ZNF232: variants seen among roughly 807,000 people sequenced by gnomAD.
ZNF232 encodes zinc finger and SCAN domain-containing protein 11.
In ZNF232, 25 loss-of-function variants were observed where a neutral mutation model predicts 25.2. That is an observed-to-expected ratio of 0.99 (90% CI 0.72 to 1.39). The LOEUF is 1.39. ZNF232 is among the 40% of genes most tolerant of loss of function. ZNF232 has a pLI of 0.00. For missense variants in ZNF232, 519 were observed against 520.9 expected, an observed-to-expected ratio of 1.00 and a Z score of 0.04; for synonymous variants, 193 against 182.9, an observed-to-expected ratio of 1.06 and a Z score of -0.45.
At chr17:5,113,265 C>A (rs2072460402), upstream of ZNF232, 1 of 152,196 alleles carries the variant, frequency 6.6e-6, no homozygotes, top group Non-Finnish European at 1.5e-5. Context: ...AAATAGTTAT[C>A]ATTTGTTGAA....
upstream of ZNF232, chr17:5,114,003 C>G (rs1323914979): frequency 6.6e-6 from 1 of 152,182 alleles, no homozygotes; most frequent in Non-Finnish European, 1.5e-5. Context: ...AAGGACATAT[C>G]TGCACATGAC....
intron 1 of ZNF232, among the ~76,000 whole-genome samples, chr17:5,119,890 A>C (rs1379234719): frequency 1.3e-5 from 2 of 152,098 alleles, no homozygotes; most frequent in South Asian, 2.1e-4. Context: ...CTACGGCTGC[A>C]CAGGGACCCC....
At chr17:5,118,065 TC>T in intron 1 of ZNF232, 1 of 141,752 alleles carries the variant, frequency 7.1e-6, no homozygotes, top group African/African-American at 2.8e-5. Flanking sequence ...TGGGACTCCG[TC>T]TCAAAAAAAA....
chr17:5,112,149 GTC>G (rs1386286190), upstream of ZNF232: 1 of 455,480 alleles, frequency 2.2e-6, no homozygotes, highest in East Asian at 3.8e-5. Flanking sequence ...AGTTTGGGGG[GTC>G]TCTTGTGGAA....
rs868058424 is a variant in ZNF232, at chr17:5,111,794, A to T, written c.23+6T>A. On this transcript the variant is annotated splice_donor_region_variant and intron_variant, in intron 1 of 3. Coordinates refer to ENST00000575898, the Ensembl canonical transcript of ZNF232. ...GGACCTCGGGGAAGCCGCCGCCAAC[A>T]CTCACCTCACAGGACCAGGAGGTTC... 1.2e-6 allele frequency: 2 copies of T among 1,613,644 alleles called. No individual in the cohort carries two copies. Among genetic ancestry groups the T allele is most frequent in the African/African-American group, 2.7e-5 (2 of 74,996 alleles).
upstream of ZNF232, chr17:5,114,723 G>A (rs2072489404): frequency 6.6e-6 from 1 of 152,318 alleles, no homozygotes; most frequent in African/African-American, 2.4e-5. Flanking sequence ...CCAGCTAATT[G>A]GGAGGCTGGG....
intron 1 of ZNF232, 151 bp downstream of exon 1, chr17:5,111,649 G>GCGCGGGCAC: frequency 8.6e-7 from 1 of 1,161,766 alleles, no homozygotes; most frequent in South Asian, 1.4e-5. Flanking sequence ...AGGTAGCGCA[G>GCGCGGGCAC]CGCGGGCACC....
At chr17:5,108,864 G>C in intron 3 of ZNF232, 62 bp downstream of exon 3, 2 of 1,610,866 alleles carry the variant, frequency 1.2e-6, no homozygotes, top group South Asian at 1.1e-5. Flanking sequence ...ACAGGTACTA[G>C]GTACTGTGCC....
At chr17:5,117,288 C>T (rs1175277544) in intron 1 of ZNF232, among the ~76,000 whole-genome samples, 2 of 152,054 alleles carry the variant, frequency 1.3e-5, no homozygotes, top group African/African-American at 4.8e-5. Flanking sequence ...GAGGCCGAGG[C>T]GGGTGGATCA....
upstream of ZNF232, among the ~76,000 whole-genome samples, chr17:5,112,751 AT>A (rs887604900): frequency 6.4e-4 from 93 of 145,312 alleles, no homozygotes; most frequent in African/African-American, 2.2e-3. Flanking sequence ...ATTATTTTTT[AT>A]TTTTTTTTTG....
upstream of ZNF232, chr17:5,111,965 G>T: frequency 7.9e-7 from 1 of 1,264,170 alleles, no homozygotes; most frequent in South Asian, 1.5e-5. Context: ...CCAGGCGCGT[G>T]GGCGCTGCCG....
At chr17:5,112,139 A>G (rs934858260), upstream of ZNF232, 2 of 472,104 alleles carry the variant, frequency 4.2e-6, no homozygotes, top group Admixed American at 3.9e-5. Flanking sequence ...GACTTCATCA[A>G]GTTTGGGGGG....
chr17:5,116,409 G>T (rs1597944217), upstream of ZNF232: 1 of 144,216 alleles, frequency 6.9e-6, no homozygotes, highest in African/African-American at 2.5e-5. Flanking sequence ...GCCGCTGGGG[G>T]AGAGGGGAAA....
intron 1 of ZNF232, among the ~76,000 whole-genome samples, chr17:5,110,835 CCGTGGCTCG>C (rs1191464776): frequency 6.6e-6 from 1 of 152,152 alleles, no homozygotes; most frequent in African/African-American, 2.4e-5. Context: ...ACAGTAGGAT[CCGTGGCTCG>C]CACTTTTACC....
At chr17:5,110,311 C>G (rs1449590765) in intron 1 of ZNF232, among the ~76,000 whole-genome samples, 1 of 152,146 alleles carries the variant, frequency 6.6e-6, no homozygotes. Context: ...TTCTGCTGCA[C>G]TAAGTCAATG....
chr17:5,113,264 T>C (rs2072460336), upstream of ZNF232: 1 of 152,274 alleles, frequency 6.6e-6, no homozygotes, highest in African/African-American at 2.4e-5. Context: ...AAAATAGTTA[T>C]CATTTGTTGA....
Position 5,109,379 on chromosome 17 carries a change from A to C in ZNF232, c.498+15T>G. Reference sequence around the variant, plus strand: ...TCAATCTGGCTCCCATAACAGACCAAATCCCCCTTCCCACCTGCGGCTCTG... The same window carrying C: ...TCAATCTGGCTCCCATAACAGACCACATCCCCCTTCCCACCTGCGGCTCTG... On this transcript the variant is annotated intron_variant, in intron 2 of 3. Transcript: ENST00000575898. 6.2e-7 allele frequency: 1 copy of C among 1,613,930 alleles called. No individual in the cohort carries two copies. Among genetic ancestry groups the C allele is most frequent in the Non-Finnish European group, 8.5e-7 (1 of 1,179,920 alleles).
At chr17:5,119,197 C>T (rs924944162) in intron 1 of ZNF232, among the ~76,000 whole-genome samples, 43 of 152,278 alleles carry the variant, frequency 2.8e-4, no homozygotes, top group African/African-American at 1.0e-3. Context: ...CAGTTTTGGT[C>T]CTCTTGGAGT....
chr17:5,122,911 C>G (rs765326014), intron 1 of ZNF232: 9 of 152,382 alleles, frequency 5.9e-5, no homozygotes, highest in Non-Finnish European at 1.2e-4. Context: ...CCGAGAGCAC[C>G]CCGAAGCCGG....
Sources: gnomAD v4.1 joint callset for allele counts (sites outside exome capture counted in the v4.1 genomes callset) on GRCh38, gnomAD v4.1.1 for gene constraint, MANE v1.5 for transcripts, NCBI Gene and HGNC (gene_info 2026-07-23, HGNC 2026-07-21) for gene names.